Variants in CMPK2 observed in about 807,000 individuals in gnomAD.
The protein encoded by CMPK2 is UMP-CMP kinase 2, mitochondrial.
CMPK2 carries 32 observed loss-of-function variants against 33.4 expected under a neutral mutation model. That is an observed-to-expected ratio of 0.96 (90% CI 0.72 to 1.29). The LOEUF (loss-of-function observed/expected upper bound fraction) is 1.29, where lower values mean the gene tolerates loss of function less well. Ranked by LOEUF, CMPK2 falls within the 50% of genes most tolerant of loss-of-function variation. CMPK2 has a pLI of 0.00. For synonymous variants in CMPK2, 299 were observed against 275.3 expected (o/e 1.09, Z -0.85); for missense variants, 672 against 616.0 (o/e 1.09, Z -0.96).
At chr2:6,853,913 G>A (rs1365258623) in intron 3 of CMPK2, among the ~76,000 whole-genome samples, 1 of 150,826 alleles carries the variant, frequency 6.6e-6, no homozygotes, top group Non-Finnish European at 1.5e-5. Flanking sequence ...AAAAAAAAAA[G>A]AAAAATTCAC....
intron 3 of CMPK2, among the ~76,000 whole-genome samples, chr2:6,842,325 T>C (rs191056483): frequency 3.1e-3 from 467 of 152,316 alleles, no homozygotes; most frequent in African/African-American, 0.011. Flanking sequence ...ACTTAATATT[T>C]GAGGAGGCGA....
At position 6,865,297 on chromosome 2, in the gene CMPK2, G is replaced by C. The variant is rs1344545771; in HGVS notation, c.400C>G (p.Arg134Gly). ...AGGAQQGFLL[R>G]DPLDDPDTRQ... Reference sequence around the variant, plus strand: ...GTGTCAGGGTCATCCAGGGGGTCGCGCAGCAGGAAGCCTTGCTGTGCGCCG... The same window carrying C: ...GTGTCAGGGTCATCCAGGGGGTCGCCCAGCAGGAAGCCTTGCTGTGCGCCG... The change falls in exon 1 of 5, where the codon CGC (arginine) becomes GGC (glycine). Residue 134 changes from arginine to glycine, a missense_variant. Coordinates refer to ENST00000256722, the MANE Select transcript of CMPK2 (RefSeq NM_207315.4). The C allele has an allele frequency of 1.3e-6, 2 of 1,525,026 alleles. No homozygotes were observed. Among genetic ancestry groups the C allele is most frequent in the African/African-American group, 2.9e-5 (2 of 69,964 alleles). The allele number at this position is 1,525,026 out of a possible 1,614,324, so 94.5% of individuals were successfully genotyped here. A position where few individuals can be genotyped will look rare whatever the true frequency, so the allele number is the denominator to read the frequency against.
At chr2:6,846,427 TC>T (rs56070440), downstream of CMPK2, among the ~76,000 whole-genome samples, 106,899 of 151,994 alleles carry the variant, frequency 0.7, 38,790 homozygotes, top group East Asian at 0.89. Flanking sequence ...AGTCTTGAAT[TC>T]CCTGTTTCCA....
upstream of CMPK2, chr2:6,865,995 G>A: frequency 1.4e-6 from 1 of 736,372 alleles, no homozygotes; most frequent in Non-Finnish European, 1.9e-6. Context: ...GTCCCCAGGC[G>A]CCGGCTCCCG....
downstream of CMPK2, among the ~76,000 whole-genome samples, chr2:6,846,686 A>G (rs1662370062): frequency 6.6e-6 from 1 of 152,196 alleles, no homozygotes; most frequent in Non-Finnish European, 1.5e-5. Context: ...CCTTCAGATA[A>G]CACTGAGGGG....
intron 3 of CMPK2, among the ~76,000 whole-genome samples, chr2:6,842,078 G>A (rs1233062276): frequency 6.6e-6 from 1 of 152,156 alleles, no homozygotes; most frequent in Non-Finnish European, 1.5e-5. Flanking sequence ...CATCCAGGGT[G>A]ACTATTGCAT....
chr2:6,846,729 G>A (rs1220889990), downstream of CMPK2, among the ~76,000 whole-genome samples: 3 of 152,188 alleles, frequency 2.0e-5, no homozygotes, highest in East Asian at 1.9e-4. Flanking sequence ...AGTTGCCCTG[G>A]GACCTTCCAA....
At chr2:6,859,461 T>C (rs889734464) in intron 3 of CMPK2, among the ~76,000 whole-genome samples, 6 of 152,158 alleles carry the variant, frequency 3.9e-5, no homozygotes, top group Non-Finnish European at 8.8e-5. Flanking sequence ...AAAAATGGTT[T>C]TGTGGACCCA....
rs1299249257 is a variant in CMPK2, at chr2:6,861,093, T to TAC, written c.992+89_992+90dup. ...TTTTCCTGGCATATACATGTACGTA[T>TAC]ACACACACACGCACACACACACACA... On this transcript the variant is annotated intron_variant, in intron 3 of 4. Transcript: ENST00000256722. 443 of 235,326 alleles carry TAC rather than the reference T, an allele frequency of 1.9e-3. 2 individuals carry two copies. Among genetic ancestry groups the TAC allele is most frequent in the African/African-American group, 0.018 (338 of 18,640 alleles). The allele number at this position is 235,326 out of a possible 1,614,324, so 14.6% of individuals were successfully genotyped here. A position where few individuals can be genotyped will look rare whatever the true frequency, so the allele number is the denominator to read the frequency against.
At chr2:6,866,493 T>C (rs754148598), upstream of CMPK2, 161 of 985,574 alleles carry the variant, frequency 1.6e-4, no homozygotes, top group Non-Finnish European at 1.9e-4. Context: ...AACTGGGAAG[T>C]GTCGCCCAGA....
chr2:6,859,483 C>T (rs942630880), intron 3 of CMPK2, among the ~76,000 whole-genome samples: 2 of 152,192 alleles, frequency 1.3e-5, no homozygotes, highest in Non-Finnish European at 2.9e-5. Flanking sequence ...GGTCCCTCTG[C>T]TCTGTGCAGC....
Position 6,851,634 on chromosome 2 carries a change from C to A in CMPK2, c.1042G>T (p.Gly348Cys), listed in dbSNP as rs1320841790. ...TGGGCTGGGGGCAGGTGCTGGAGAC[C>A]CCCACTCACCTCAGTGGCTATGGCA... Reference protein sequence around the residue: ...TYAIATEVSGGLQHLPPAHHP... With the variant: ...TYAIATEVSGCLQHLPPAHHP... The change falls in exon 4 of 5, where the codon GGT becomes TGT. Residue 348 changes from glycine to cysteine, a missense_variant. Gly to Cys is a radical substitution (Grantham distance 159). Coordinates refer to ENST00000256722, the MANE Select transcript of CMPK2 (RefSeq NM_207315.4). The A allele has an allele frequency of 1.9e-6, 3 of 1,614,060 alleles. No homozygotes were observed. The highest frequency in any genetic ancestry group is 1.3e-5 in the African/African-American group (1 of 75,002).
intron 4 of CMPK2, 122 bp from the exon 5 acceptor site, chr2:6,850,095 G>T: frequency 1.5e-6 from 1 of 684,842 alleles, no homozygotes; most frequent in Non-Finnish European, 2.4e-6. Context: ...TTATCTCACT[G>T]TAACTAGCTT....
At chr2:6,852,661 T>A (rs1398872461) in intron 3 of CMPK2, among the ~76,000 whole-genome samples, 1 of 152,146 alleles carries the variant, frequency 6.6e-6, no homozygotes, top group African/African-American at 2.4e-5. Context: ...ATTTCTTGAG[T>A]GGGAAATCTT....
intron 3 of CMPK2, among the ~76,000 whole-genome samples, chr2:6,858,041 A>C (rs1452445470): frequency 6.6e-6 from 1 of 152,156 alleles, no homozygotes; most frequent in African/African-American, 2.4e-5. Context: ...GACCTGCCCC[A>C]ACCTTCCTCT....
At chr2:6,864,322 C>G (rs1662980546) in intron 1 of CMPK2, 1 of 152,176 alleles carries the variant, frequency 6.6e-6, no homozygotes, top group Non-Finnish European at 1.5e-5. Flanking sequence ...TTTAAATACA[C>G]GTGGTTGACC....
chr2:6,850,704 AC>A (rs1190604060), intron 4 of CMPK2: 3 of 961,436 alleles, frequency 3.1e-6, no homozygotes, highest in Non-Finnish European at 3.7e-6. Flanking sequence ...AAATTGCTTA[AC>A]ATAATATCTT....
upstream of CMPK2, chr2:6,866,361 C>A: frequency 1.1e-6 from 1 of 875,896 alleles, no homozygotes; most frequent in Non-Finnish European, 1.4e-6. Context: ...TCTTCCCTCT[C>A]CTGTATCTTA....
At chr2:6,851,170 G>A (rs371571654) in intron 4 of CMPK2, 1 of 1,252,364 alleles carries the variant, frequency 8.0e-7, no homozygotes, top group Admixed American at 3.5e-5. Flanking sequence ...GAGGCACAGA[G>A]ACACTTACTG....
Sources: allele counts gnomAD v4.1 joint callset (sites outside exome capture counted in the v4.1 genomes callset), GRCh38; gene constraint gnomAD v4.1.1; transcripts MANE v1.5; gene names NCBI Gene and HGNC (gene_info 2026-07-23, HGNC 2026-07-21).